The following ADAM12 variants were observed in gnomAD, a reference collection of about 807,000 sequenced individuals.
The protein encoded by ADAM12 is disintegrin and metalloproteinase domain-containing protein 12.
Under a neutral mutation model 106.4 loss-of-function variants are expected in ADAM12, and 70 were observed. The ratio of observed to expected loss-of-function variants is 0.66; its 90% confidence interval spans 0.54 to 0.80. The LOEUF (loss-of-function observed/expected upper bound fraction) is 0.80. Among genes scored for constraint, ADAM12 ranks in the 30% least tolerant of loss-of-function variants. The pLI is 0.00. For missense variants in ADAM12, 1,010 were observed against 1,171.9 expected (o/e 0.86, Z 2.02); for synonymous variants, 420 against 433.5 (o/e 0.97, Z 0.39).
chr10:126,121,395 A>G (rs1173103567), intron 5 of ADAM12, among the ~76,000 whole-genome samples: 1 of 129,148 alleles, frequency 7.7e-6, no homozygotes, highest in Non-Finnish European at 1.6e-5. Flanking sequence ...TATGCAATAT[A>G]TAATATATTG....
chr10:126,312,982 T>C (rs557602022), intron 2 of ADAM12, among the ~76,000 whole-genome samples: 3 of 152,368 alleles, frequency 2.0e-5, no homozygotes, highest in African/African-American at 7.2e-5. Flanking sequence ...ATTAGCCATG[T>C]TGGTTCAGAT....
chr10:126,320,416 G>T (rs1854054096), intron 2 of ADAM12, among the ~76,000 whole-genome samples: 1 of 152,282 alleles, frequency 6.6e-6, no homozygotes, highest in African/African-American at 2.4e-5. Context: ...GTGGTTGCAG[G>T]CACTGTCAGG....
intron 21 of ADAM12, among the ~76,000 whole-genome samples, chr10:126,026,944 C>A (rs565330467): frequency 6.6e-6 from 1 of 152,008 alleles, no homozygotes; most frequent in South Asian, 2.1e-4. Context: ...AGGAGATAGA[C>A]ATGAAAAACT....
chr10:126,379,601 G>T (rs374868314), intron 1 of ADAM12, among the ~76,000 whole-genome samples: 5 of 152,120 alleles, frequency 3.3e-5, no homozygotes, highest in African/African-American at 1.2e-4. Flanking sequence ...GTAGATGACG[G>T]GTTGATGGGT....
intron 21 of ADAM12, among the ~76,000 whole-genome samples, chr10:126,029,276 T>C (rs1384168741): frequency 6.6e-6 from 1 of 151,968 alleles, no homozygotes; most frequent in African/African-American, 2.4e-5. Context: ...AATCATTCTA[T>C]TATACACGCA....
chr10:126,121,591 C>T (rs1052294843), intron 5 of ADAM12, among the ~76,000 whole-genome samples: 3 of 147,830 alleles, frequency 2.0e-5, no homozygotes, highest in East Asian at 4.0e-4. Flanking sequence ...ATTGCAGCAA[C>T]CCAAGGATCT....
intron 8 of ADAM12, among the ~76,000 whole-genome samples, chr10:126,103,574 G>T (rs752668206): frequency 6.6e-6 from 1 of 152,204 alleles, no homozygotes; most frequent in African/African-American, 2.4e-5. Context: ...CATGGCTGGG[G>T]TTGGAACACA....
At chr10:126,057,948 C>A (rs529350632) in intron 14 of ADAM12, among the ~76,000 whole-genome samples, 1 of 152,296 alleles carries the variant, frequency 6.6e-6, no homozygotes, top group East Asian at 1.9e-4. Context: ...CAGAGGTATG[C>A]ACATAAGATT....
intron 4 of ADAM12, among the ~76,000 whole-genome samples, chr10:126,144,321 G>T (rs530502125): frequency 1.3e-5 from 2 of 152,250 alleles, no homozygotes; most frequent in Admixed American, 1.3e-4. Context: ...AGAGTTTTGT[G>T]GATCAAATAA....
intron 21 of ADAM12, among the ~76,000 whole-genome samples, chr10:126,022,404 C>G (rs1953785367): frequency 6.6e-6 from 1 of 152,174 alleles, no homozygotes; most frequent in African/African-American, 2.4e-5. Context: ...AAGCATGAGA[C>G]AGGTTGCAAG....
At chr10:126,177,217 C>T (rs7084683) in intron 3 of ADAM12, among the ~76,000 whole-genome samples, 67,639 of 150,876 alleles carry the variant, frequency 0.45, 15,245 homozygotes, top group Middle Eastern at 0.53. Flanking sequence ...AATTACTTTA[C>T]CAGGAGGAAA....
At chr10:126,051,584 T>G (rs28653728) in intron 14 of ADAM12, among the ~76,000 whole-genome samples, 48,023 of 119,014 alleles carry the variant, frequency 0.4, 9,471 homozygotes, top group East Asian at 0.77. Flanking sequence ...CATCCATCCA[T>G]CCATCCAGCC....
intron 2 of ADAM12, 40 bp from the exon 3 acceptor site, chr10:126,279,028 G>A: frequency 6.7e-7 from 1 of 1,495,632 alleles, no homozygotes. Flanking sequence ...AAAACGCTTG[G>A]CTTTGATTTG....
intron 2 of ADAM12, among the ~76,000 whole-genome samples, chr10:126,312,177 A>G (rs183003924): frequency 9.2e-5 from 14 of 151,506 alleles, no homozygotes; most frequent in African/African-American, 3.4e-4. Context: ...CCAGAAGTGA[A>G]GTATAAGCGT....
chr10:126,050,575 G>C (rs1954455390), intron 14 of ADAM12, among the ~76,000 whole-genome samples: 1 of 152,334 alleles, frequency 6.6e-6, no homozygotes, highest in African/African-American at 2.4e-5. Flanking sequence ...ACACTCCAGA[G>C]CCTCACTCTG....
chr10:126,112,889 A>C (rs1955896949), intron 6 of ADAM12, among the ~76,000 whole-genome samples: 1 of 152,060 alleles, frequency 6.6e-6, no homozygotes, highest in Non-Finnish European at 1.5e-5. Context: ...ATATTCCTGA[A>C]ACCCAGTGTC....
At chr10:126,129,888 T>C (rs1299935451) in intron 5 of ADAM12, among the ~76,000 whole-genome samples, 1 of 152,216 alleles carries the variant, frequency 6.6e-6, no homozygotes, top group Non-Finnish European at 1.5e-5. Flanking sequence ...CCGTGTGCTT[T>C]CCGCTTCAAG....
intron 12 of ADAM12, among the ~76,000 whole-genome samples, chr10:126,070,810 T>C (rs767182332): frequency 5.3e-5 from 8 of 152,224 alleles, no homozygotes; most frequent in Admixed American, 1.3e-4. Flanking sequence ...CTTCTCTCTT[T>C]CCTTCTTGAG....
At chr10:126,185,161 C>T (rs1957378016) in intron 3 of ADAM12, among the ~76,000 whole-genome samples, 3 of 152,218 alleles carry the variant, frequency 2.0e-5, no homozygotes, top group African/African-American at 7.2e-5. Flanking sequence ...GTAACAAATG[C>T]TGTGGGGTTG....
Sources: gnomAD v4.1 joint callset for allele counts (sites outside exome capture counted in the v4.1 genomes callset) on GRCh38, gnomAD v4.1.1 for gene constraint, MANE v1.5 for transcripts, NCBI Gene and HGNC (gene_info 2026-07-23, HGNC 2026-07-21) for gene names.